The following SLCO3A1 variants were observed in gnomAD, a reference collection of about 807,000 sequenced individuals.
The protein encoded by SLCO3A1 is PGE1 transporter.
In SLCO3A1, 27 loss-of-function variants were observed where a neutral mutation model predicts 63.1. The ratio of observed to expected loss-of-function variants is 0.43; its 90% CI spans 0.32 to 0.59. The LOEUF (loss-of-function observed/expected upper bound fraction) is 0.59. SLCO3A1 is among the 20% of genes least tolerant of loss of function. The pLI is 0.09. For missense variants in SLCO3A1, 773 were observed against 945.8 expected, an observed-to-expected ratio of 0.82 and a Z score of 2.40; for synonymous variants, 473 against 409.9, an observed-to-expected ratio of 1.15 and a Z score of -1.86.
intron 4 of SLCO3A1, among the ~76,000 whole-genome samples, chr15:92,104,952 C>T (rs1952512759): frequency 6.6e-6 from 1 of 151,372 alleles, no homozygotes; most frequent in South Asian, 2.1e-4. Flanking sequence ...GAAAAGCCAC[C>T]TCCAGCCGGG....
chr15:91,953,526 C>T (rs753496532), intron 2 of SLCO3A1, among the ~76,000 whole-genome samples: 1 of 152,098 alleles, frequency 6.6e-6, no homozygotes, highest in South Asian at 2.1e-4. Context: ...TCAGGCAGAC[C>T]GGGTGTGCCA....
chr15:92,040,984 G>C (rs150124019), intron 2 of SLCO3A1, among the ~76,000 whole-genome samples: 2 of 152,070 alleles, frequency 1.3e-5, no homozygotes, highest in Admixed American at 1.3e-4. Context: ...CACTCCTCCC[G>C]ACATTCTGTG....
At chr15:92,001,342 A>G (rs998387606) in intron 2 of SLCO3A1, among the ~76,000 whole-genome samples, 1 of 152,062 alleles carries the variant, frequency 6.6e-6, no homozygotes, top group African/African-American at 2.4e-5. Context: ...AGCACATATT[A>G]TGGGATGCTG....
intron 2 of SLCO3A1, among the ~76,000 whole-genome samples, chr15:92,010,259 G>A (rs12903900): frequency 4.6e-5 from 7 of 151,972 alleles, no homozygotes; most frequent in Non-Finnish European, 8.8e-5. Context: ...TTCAAATAAC[G>A]TTACTCTTGG....
In SLCO3A1 at chr15:91,916,521, G is replaced by A; in HGVS notation, c.646+63G>A. ...GTGTGTTGACCATGGATAAAAGGTG[G>A]CCTGGTGGACTTTGATTTTGCCAGA... On this transcript the variant is annotated intron_variant, in intron 2 of 9. Transcript: ENST00000318445. This position sits in a 1 kb window ranked among gnomAD's most constrained non-coding sequence, Gnocchi z 6.2. 1 of 1,287,056 alleles carries A rather than the reference G, an allele frequency of 7.8e-7. No individual in the cohort carries two copies. The highest frequency in any genetic ancestry group is 1.1e-6 in the Non-Finnish European group (1 of 933,732). The allele number at this position is 1,287,056 out of a possible 1,614,324, so 79.7% of individuals were successfully genotyped here. A position where few individuals can be genotyped will look rare whatever the true frequency, so the allele number is the denominator to read the frequency against.
intron 2 of SLCO3A1, among the ~76,000 whole-genome samples, chr15:91,929,379 T>C (rs1330654977): frequency 6.6e-6 from 1 of 152,162 alleles, no homozygotes; most frequent in Non-Finnish European, 1.5e-5. Flanking sequence ...AATGACAGTC[T>C]CTTACTGGTC....
rs149020179 is a variant in SLCO3A1, at chr15:91,940,262, C to T, written c.646+23804C>T. On this transcript the variant is annotated intron_variant, in intron 2 of 9. Transcript: ENST00000318445. ...TGTTTCTGGTGCCTTCCTCGGGGTC[C>T]TGATACCTGCCCTTTCTGATACACG... 2.0e-3 allele frequency among the ~76,000 whole-genome samples: 301 copies of T among 152,202 alleles called. 1 individual carries two copies. Among genetic ancestry groups the T allele is most frequent in the African/African-American group, 6.8e-3 (283 of 41,528 alleles).
intron 2 of SLCO3A1, among the ~76,000 whole-genome samples, chr15:92,004,175 G>T (rs944893417): frequency 6.6e-6 from 1 of 152,182 alleles, no homozygotes; most frequent in Admixed American, 6.5e-5. Context: ...CACAGGAAAG[G>T]TGGAGAGCCA....
chr15:92,161,594 G>A (rs184952989), intron 9 of SLCO3A1: 2 of 152,368 alleles, frequency 1.3e-5, no homozygotes, highest in East Asian at 1.9e-4. Flanking sequence ...AAGCGAAGTT[G>A]TCAGTATATA....
chr15:91,926,596 T>TGTGTGTGTGTGTGTGCGCGC, intron 2 of SLCO3A1, among the ~76,000 whole-genome samples: 41 of 105,306 alleles, frequency 3.9e-4, no homozygotes, highest in African/African-American at 1.2e-3. Flanking sequence ...TGTGTGTGTG[T>TGTGTGTGTGTGTGTGCGCGC]GCGCGCGCGC....
chr15:92,059,069 A>T (rs1213666634), intron 2 of SLCO3A1, among the ~76,000 whole-genome samples: 1 of 152,030 alleles, frequency 6.6e-6, no homozygotes, highest in Non-Finnish European at 1.5e-5. Context: ...GCACTATCCA[A>T]CCCACTCTGT....
chr15:91,907,794 G>A (rs1479967391), intron 1 of SLCO3A1, among the ~76,000 whole-genome samples: 1 of 152,120 alleles, frequency 6.6e-6, no homozygotes, highest in African/African-American at 2.4e-5. Flanking sequence ...CCAAAGTGCT[G>A]GGATTACAGG....
At chr15:92,048,014 C>G (rs948019283) in intron 2 of SLCO3A1, among the ~76,000 whole-genome samples, 1 of 152,102 alleles carries the variant, frequency 6.6e-6, no homozygotes, top group Non-Finnish European at 1.5e-5. Flanking sequence ...GCTGTTGCCT[C>G]TCTCTGCCCC....
At chr15:92,092,567 G>A (rs1160693591) in intron 2 of SLCO3A1, among the ~76,000 whole-genome samples, 2 of 152,152 alleles carry the variant, frequency 1.3e-5, no homozygotes, top group East Asian at 1.9e-4. Flanking sequence ...CTGGATGGGA[G>A]GATATGACTG....
chr15:91,931,565 G>GGCAGA (rs1449799438), intron 2 of SLCO3A1, among the ~76,000 whole-genome samples: 3 of 151,574 alleles, frequency 2.0e-5, no homozygotes, highest in Admixed American at 6.6e-5. Context: ...CTGCCTCCCT[G>GGCAGA]GTTCAAGCAG....
chr15:92,075,598 C>T (rs1266312704), intron 2 of SLCO3A1, among the ~76,000 whole-genome samples: 4 of 152,240 alleles, frequency 2.6e-5, no homozygotes, highest in South Asian at 4.1e-4. Flanking sequence ...TGCTTGCAGG[C>T]GAATGCTGGC....
intron 4 of SLCO3A1, among the ~76,000 whole-genome samples, chr15:92,108,925 A>G (rs909041358): frequency 6.6e-6 from 1 of 152,066 alleles, no homozygotes; most frequent in African/African-American, 2.4e-5. Flanking sequence ...CTGGGAACAC[A>G]TTACCATGGC....
Position 92,059,949 on chromosome 15 carries a change from G to C in SLCO3A1, c.647-34932G>C, listed in dbSNP as rs571312710. 1.2e-3 allele frequency among the ~76,000 whole-genome samples: 182 copies of C among 152,202 alleles called. 1 individual carries two copies. In the Middle Eastern group the frequency reaches 0.041, roughly 34 times the overall value. ...ATCCTACCGTACACCTAGGCTATAGGGTGTAGCCTGTTGTTCCTAGGCTAC... is the reference window on the plus strand; with the variant it reads ...ATCCTACCGTACACCTAGGCTATAGCGTGTAGCCTGTTGTTCCTAGGCTAC... On this transcript the variant is annotated intron_variant, in intron 2 of 9. Transcript: ENST00000318445.
intron 2 of SLCO3A1, among the ~76,000 whole-genome samples, chr15:91,978,428 G>A (rs1267532917): frequency 6.6e-6 from 1 of 152,290 alleles, no homozygotes; most frequent in Admixed American, 6.5e-5. Context: ...TAGATTGAAG[G>A]CAGTGATCTT....
Sources: gnomAD v4.1 joint callset for allele counts (sites outside exome capture counted in the v4.1 genomes callset) on GRCh38, gnomAD v4.1.1 for gene constraint, Gnocchi (gnomAD v3.1) non-coding constraint, MANE v1.5 for transcripts, NCBI Gene and HGNC (gene_info 2026-07-23, HGNC 2026-07-21) for gene names.